Variants in EPHA3 observed in about 807,000 individuals in gnomAD.
EPHA3 encodes EPH receptor A3, also known as ephrin type-A receptor 3.
In EPHA3, 42 loss-of-function variants were observed where a neutral mutation model predicts 107.1. The observed-to-expected ratio is 0.39, with a 90% CI of 0.31 to 0.51. The LOEUF is 0.51. Among genes scored for constraint, EPHA3 ranks in the 20% least tolerant of loss-of-function variants. The probability of loss-of-function intolerance (pLI) is 0.78; values close to 1 mark genes in which losing one functional copy is unlikely to be tolerated. For synonymous variants in EPHA3, 461 were observed against 424.8 expected, an observed-to-expected ratio of 1.09 and a Z score of -1.05; for missense variants, 1,183 against 1,211.2, an observed-to-expected ratio of 0.98 and a Z score of 0.35.
At chr3:89,424,466 A>C (rs1401617357) in intron 11 of EPHA3, among the ~76,000 whole-genome samples, 1 of 151,420 alleles carries the variant, frequency 6.6e-6, no homozygotes. Context: ...TTTTCGAGAG[A>C]AAACAAAAAG....
chr3:89,446,060 T>A (rs1297624287), intron 13 of EPHA3, among the ~76,000 whole-genome samples: 7 of 152,198 alleles, frequency 4.6e-5, no homozygotes, highest in Non-Finnish European at 8.8e-5. Flanking sequence ...TTTTTCTTAT[T>A]AAAATAAATT....
intron 2 of EPHA3, among the ~76,000 whole-genome samples, chr3:89,177,953 C>CA (rs759265189): frequency 6.6e-6 from 1 of 152,016 alleles, no homozygotes; most frequent in Non-Finnish European, 1.5e-5. Context: ...AGTCACAAAG[C>CA]AAAAATATAA....
rs61566796 is a variant in EPHA3, at chr3:89,230,824, T to TCACA, written c.814+20334_814+20337dup. Among the ~76,000 whole-genome samples the TCACA allele has an allele frequency of 7.7e-3, 1,073 of 139,614 alleles. 8 individuals carry two copies. Among genetic ancestry groups the TCACA allele is most frequent in the African/African-American group, 0.022 (819 of 37,264 alleles). The allele number at this position is 139,614 out of a possible 152,430, so 91.6% of individuals were successfully genotyped here. On this transcript the variant is annotated intron_variant, in intron 3 of 16. Transcript: ENST00000336596. ...CTCTCTCCCTCTCTCTCTCTCTCTC[T>TCACA]CACACACACACACACACACACACAC...
At chr3:89,162,758 TGAATTGG>T (rs1461153409) in intron 2 of EPHA3, among the ~76,000 whole-genome samples, 2 of 152,158 alleles carry the variant, frequency 1.3e-5, no homozygotes, top group Non-Finnish European at 2.9e-5. Flanking sequence ...AGAAAGATCT[TGAATTGG>T]GCTGAGATTG....
intron 3 of EPHA3, among the ~76,000 whole-genome samples, chr3:89,212,720 T>G (rs1704132609): frequency 6.6e-6 from 1 of 151,994 alleles, no homozygotes; most frequent in Non-Finnish European, 1.5e-5. Flanking sequence ...TTGAGCCAGA[T>G]AGCAGAAGGT....
At chr3:89,255,459 G>A (rs144041848) in intron 3 of EPHA3, among the ~76,000 whole-genome samples, 45 of 152,302 alleles carry the variant, frequency 3.0e-4, no homozygotes, top group Non-Finnish European at 5.9e-4. Context: ...TTGAAACACC[G>A]ACATGTTAAT....
At chr3:89,365,084 T>C (rs1409147738) in intron 5 of EPHA3, among the ~76,000 whole-genome samples, 1 of 150,914 alleles carries the variant, frequency 6.6e-6, no homozygotes, top group South Asian at 2.1e-4. Context: ...TAACTAAATA[T>C]AGTTTGTGCA....
At chr3:89,308,287 A>T (rs180934121) in intron 3 of EPHA3, among the ~76,000 whole-genome samples, 287 of 152,312 alleles carry the variant, frequency 1.9e-3, no homozygotes, top group Admixed American at 3.5e-3. Flanking sequence ...CATGATACAA[A>T]CAGTTTGATT....
intron 6 of EPHA3, among the ~76,000 whole-genome samples, chr3:89,398,012 A>T (rs1708884873): frequency 6.6e-6 from 1 of 152,220 alleles, no homozygotes; most frequent in South Asian, 2.1e-4. Context: ...ACATATTTGC[A>T]TCACATATAC....
At chr3:89,270,817 T>C (rs979753328) in intron 3 of EPHA3, among the ~76,000 whole-genome samples, 1 of 152,066 alleles carries the variant, frequency 6.6e-6, no homozygotes, top group African/African-American at 2.4e-5. Flanking sequence ...GCAAATTATT[T>C]CTCAAGCTAC....
intron 5 of EPHA3, among the ~76,000 whole-genome samples, chr3:89,354,352 A>G (rs746669199): frequency 1.5e-4 from 22 of 151,280 alleles, no homozygotes; most frequent in African/African-American, 4.6e-4. Context: ...AAACTCTTTC[A>G]TAATAAATTC....
At chr3:89,353,572 T>C (rs1255466860) in intron 5 of EPHA3, among the ~76,000 whole-genome samples, 1 of 151,344 alleles carries the variant, frequency 6.6e-6, no homozygotes, top group East Asian at 1.9e-4. Flanking sequence ...CTTCTTCCTG[T>C]TTTGAAATCA....
chr3:89,250,358 C>G (rs1018630841), intron 3 of EPHA3, among the ~76,000 whole-genome samples: 19 of 152,308 alleles, frequency 1.2e-4, no homozygotes, highest in Middle Eastern at 3.4e-3. Context: ...CCCATATCTT[C>G]CATCCTGTTT....
intron 1 of EPHA3, among the ~76,000 whole-genome samples, chr3:89,111,887 C>T (rs533374275): frequency 1.3e-5 from 2 of 152,148 alleles, no homozygotes; most frequent in East Asian, 1.9e-4. Context: ...CAATTATAAA[C>T]TCTTTTAGAT....
intron 6 of EPHA3, among the ~76,000 whole-genome samples, chr3:89,396,955 A>C (rs1236462837): frequency 6.6e-6 from 1 of 152,170 alleles, no homozygotes; most frequent in Admixed American, 6.5e-5. Flanking sequence ...AATAAATATT[A>C]GGCATCTGTT....
intron 16 of EPHA3, among the ~76,000 whole-genome samples, chr3:89,473,748 AGT>A (rs1474385625): frequency 4.6e-5 from 7 of 152,172 alleles, no homozygotes; most frequent in Admixed American, 6.6e-5. Flanking sequence ...TATGTTTACT[AGT>A]ATCTAGTCAT....
intron 3 of EPHA3, among the ~76,000 whole-genome samples, chr3:89,244,254 T>C (rs1704978972): frequency 1.3e-5 from 2 of 152,112 alleles, no homozygotes; most frequent in South Asian, 4.1e-4. Context: ...TTACCAGGAA[T>C]ATTAATTTTT....
intron 16 of EPHA3, 97 bp downstream of exon 16, chr3:89,472,716 A>G: frequency 7.3e-7 from 1 of 1,369,186 alleles, no homozygotes; most frequent in Non-Finnish European, 9.9e-7. Context: ...GACATGTTAC[A>G]AATATTAGTG....
At chr3:89,145,784 T>C (rs751085706) in intron 2 of EPHA3, among the ~76,000 whole-genome samples, 4 of 151,828 alleles carry the variant, frequency 2.6e-5, no homozygotes, top group Non-Finnish European at 5.9e-5. Context: ...CAAGTGTGTC[T>C]AGAATCGATT....
Sources: gnomAD v4.1 joint callset for allele counts (sites outside exome capture counted in the v4.1 genomes callset) on GRCh38, gnomAD v4.1.1 for gene constraint, MANE v1.5 for transcripts, NCBI Gene and HGNC (gene_info 2026-07-23, HGNC 2026-07-21) for gene names.